SORD: variants seen among roughly 807,000 people sequenced by gnomAD.
SORD encodes (R,R)-butanediol dehydrogenase.
Under a neutral mutation model 35.6 loss-of-function variants are expected in SORD, and 18 were observed. The ratio of observed to expected loss-of-function variants is 0.51; its 90% CI spans 0.35 to 0.75. The LOEUF (loss-of-function observed/expected upper bound fraction) is 0.75, where lower values mean the gene tolerates loss of function less well. SORD is among the 30% of genes least tolerant of loss of function. The probability of loss-of-function intolerance (pLI) is 0.01; values close to 1 mark genes in which losing one functional copy is unlikely to be tolerated. For synonymous variants in SORD, 106 were observed against 152.9 expected (o/e 0.69, Z 2.26); for missense variants, 250 against 390.2 (o/e 0.64, Z 3.03).
chr15:45,060,145 C>G (rs1443659840), intron 3 of SORD, among the ~76,000 whole-genome samples: 2 of 152,114 alleles, frequency 1.3e-5, no homozygotes, highest in Non-Finnish European at 2.9e-5. Flanking sequence ...GTGAAGTATA[C>G]TGATGTCTGC....
intron 1 of SORD, among the ~76,000 whole-genome samples, chr15:45,038,131 CCTTCCTTCCTTCCTT>C (rs1892900673): frequency 7.5e-5 from 1 of 13,356 alleles, no homozygotes; most frequent in South Asian, 1.2e-3. Flanking sequence ...ATCCTCCCTT[CCTTCCTTCCTTCCTT>C]CCTTCCTTCC....
At chr15:45,039,140 T>C (rs1892923230) in intron 1 of SORD, among the ~76,000 whole-genome samples, 2 of 152,078 alleles carry the variant, frequency 1.3e-5, no homozygotes, top group South Asian at 4.2e-4. Context: ...TCTTCCTTTT[T>C]TTTTTTGAGA....
chr15:45,046,225 A>G (rs2141272377), intron 3 of SORD, among the ~76,000 whole-genome samples: 1 of 152,134 alleles, frequency 6.6e-6, no homozygotes, highest in African/African-American at 2.4e-5. Flanking sequence ...CAGAGGAGAT[A>G]GAAGGAAGAG....
intron 3 of SORD, among the ~76,000 whole-genome samples, chr15:45,059,278 C>G (rs1394363564): frequency 6.6e-6 from 1 of 151,900 alleles, no homozygotes; most frequent in Admixed American, 6.6e-5. Context: ...CTACAGTGAG[C>G]TGTGATTGCA....
In SORD at chr15:45,076,988, A is replaced by G. The variant is rs1893586711; in HGVS notation, c.*3458A>G. The G allele has an allele frequency of 6.7e-6, 1 of 149,626 alleles. No individual in the cohort carries two copies. Among genetic ancestry groups the G allele is most frequent in the Admixed American group, 6.6e-5 (1 of 15,208 alleles). The allele number at this position is 149,626 out of a possible 1,614,324, so 9.3% of individuals were successfully genotyped here. Reference sequence around the variant, plus strand: ...TTTGTCTTCTGGATACCGTTTTACAAACATACTTGTTTTCATTTAATAAAT... The same window carrying G: ...TTTGTCTTCTGGATACCGTTTTACAGACATACTTGTTTTCATTTAATAAAT... On this transcript the variant is annotated 3_prime_UTR_variant, in exon 9 of 9. Transcript: ENST00000267814.
intron 1 of SORD, among the ~76,000 whole-genome samples, chr15:45,039,285 C>T (rs1485884874): frequency 2.6e-5 from 4 of 152,142 alleles, no homozygotes; most frequent in Non-Finnish European, 5.9e-5. Flanking sequence ...CGTGCCACCA[C>T]GCCCGGCTAA....
intron 3 of SORD, 181 bp from the exon 4 acceptor site, chr15:45,060,886 G>T: frequency 7.3e-7 from 1 of 1,369,940 alleles, no homozygotes; most frequent in Non-Finnish European, 9.7e-7. Flanking sequence ...GGGTCCCCAG[G>T]GAGGAGGGTG....
At chr15:45,035,073 G>A (rs1892840483) in intron 1 of SORD, among the ~76,000 whole-genome samples, 1 of 152,168 alleles carries the variant, frequency 6.6e-6, no homozygotes, top group Admixed American at 6.5e-5. Flanking sequence ...CCTTCCCGCG[G>A]GGCAGGGCTC....
intron 4 of SORD, among the ~76,000 whole-genome samples, chr15:45,065,005 G>A (rs540692189): frequency 1.3e-5 from 2 of 152,154 alleles, no homozygotes; most frequent in Non-Finnish European, 2.9e-5. Context: ...CCCCTCACTA[G>A]CTTTGGATGG....
At chr15:45,035,510 T>C (rs1892849675) in intron 1 of SORD, among the ~76,000 whole-genome samples, 1 of 151,874 alleles carries the variant, frequency 6.6e-6, no homozygotes, top group South Asian at 2.1e-4. Context: ...GGATTGTAAA[T>C]GCACCAATCA....
intron 1 of SORD, chr15:45,036,397 A>G (rs551988923): frequency 6.6e-6 from 3 of 455,088 alleles, no homozygotes; most frequent in East Asian, 1.4e-4. Flanking sequence ...ACTCATTAAA[A>G]GATAAGAAAT....
rs766170873 is a variant in SORD at position 45,073,545 on chromosome 15, G to A, written c.*15G>A. On this transcript the variant is annotated 3_prime_UTR_variant, in exon 9 of 9. Transcript: ENST00000267814. ...AGAATCCCTGATGTTAATGGGCTCT[G>A]CCCTCATCCCCACAGTCTTGGGATC... 1.3e-6 allele frequency: 2 copies of A among 1,598,690 alleles called. No homozygotes were observed. The highest frequency in any genetic ancestry group is 1.7e-6 in the Non-Finnish European group (2 of 1,175,472).
intron 2 of SORD, among the ~76,000 whole-genome samples, chr15:45,041,109 G>A (rs1443109963): frequency 3.3e-5 from 5 of 152,180 alleles, no homozygotes; most frequent in East Asian, 1.9e-4. Flanking sequence ...ACATGCTGAC[G>A]CCCAAGGTGG....
At chr15:45,030,314 T>C (rs114099082) in intron 1 of SORD, among the ~76,000 whole-genome samples, 31,008 of 150,418 alleles carry the variant, frequency 0.21, no homozygotes, top group African/African-American at 0.44. Flanking sequence ...GAATTATGGA[T>C]GTAGGGGAAA....
At chr15:45,056,312 G>A (rs915507094) in intron 3 of SORD, among the ~76,000 whole-genome samples, 1 of 151,938 alleles carries the variant, frequency 6.6e-6, no homozygotes, top group Non-Finnish European at 1.5e-5. Context: ...CAAAATCAAT[G>A]TACAAAAATC....
intron 1 of SORD, among the ~76,000 whole-genome samples, chr15:45,034,816 T>G (rs977490587): frequency 2.6e-5 from 4 of 152,232 alleles, no homozygotes; most frequent in African/African-American, 4.8e-5. Context: ...CTCCCTCAGC[T>G]TGCAGGGAGG....
At chr15:45,027,841 A>G (rs1268296327) in intron 1 of SORD, among the ~76,000 whole-genome samples, 1 of 152,246 alleles carries the variant, frequency 6.6e-6, no homozygotes, top group East Asian at 1.9e-4. Flanking sequence ...TTTACAATGT[A>G]GGGTTCACTC....
At chr15:45,049,478 A>T (rs1283899167) in intron 3 of SORD, among the ~76,000 whole-genome samples, 2 of 152,152 alleles carry the variant, frequency 1.3e-5, no homozygotes, top group Non-Finnish European at 2.9e-5. Flanking sequence ...TTATTAGAAG[A>T]CATATATCAA....
intron 3 of SORD, among the ~76,000 whole-genome samples, chr15:45,046,929 A>G (rs1014605124): frequency 6.6e-6 from 1 of 152,096 alleles, no homozygotes; most frequent in South Asian, 2.1e-4. Flanking sequence ...GAGGCAGGAG[A>G]ATTTCTTGAA....
Sources: gnomAD v4.1 joint callset for allele counts (sites outside exome capture counted in the v4.1 genomes callset) on GRCh38, gnomAD v4.1.1 for gene constraint, MANE v1.5 for transcripts, NCBI Gene and HGNC (gene_info 2026-07-23, HGNC 2026-07-21) for gene names.